The following GRM4 variants were observed in gnomAD, a reference collection of about 807,000 sequenced individuals.
GRM4 encodes metabotropic glutamate receptor 4.
In GRM4, 28 loss-of-function variants were observed where a neutral mutation model predicts 81.7. The observed-to-expected ratio is 0.34, with a 90% CI of 0.25 to 0.47. The LOEUF is 0.47. Ranked by LOEUF, GRM4 falls within the 20% of genes least tolerant of loss-of-function variation. GRM4 has a pLI of 1.00. For missense variants in GRM4, 948 were observed against 1,290.0 expected, an observed-to-expected ratio of 0.73 and a Z score of 4.06; for synonymous variants, 488 against 528.8, an observed-to-expected ratio of 0.92 and a Z score of 1.06.
chr6:34,030,007 G>A (rs181652980), intron 9 of GRM4, among the ~76,000 whole-genome samples: 152 of 152,224 alleles, frequency 1.0e-3, no homozygotes, highest in African/African-American at 3.6e-3. Context: ...TCCATCCTCA[G>A]ATACTACTTA....
intron 2 of GRM4, chr6:34,110,964 G>A: frequency 1.3e-6 from 1 of 746,020 alleles, no homozygotes; most frequent in Non-Finnish European, 1.8e-6. Flanking sequence ...GTGCCCCACA[G>A]ACTGCAAGGA....
At chr6:34,049,968 C>T (rs369089234) in intron 6 of GRM4, among the ~76,000 whole-genome samples, 1 of 152,128 alleles carries the variant, frequency 6.6e-6, no homozygotes, top group Admixed American at 6.5e-5. Context: ...AATCAGGTAA[C>T]GTCAATCCTC....
chr6:34,056,694 A>G lies in GRM4; in HGVS notation c.1028-10T>C. 1.2e-6 allele frequency: 2 copies of G among 1,611,628 alleles called. No individual in the cohort carries two copies. Among genetic ancestry groups the G allele is most frequent in the Non-Finnish European group, 1.7e-6 (2 of 1,178,860 alleles). Reference sequence around the variant, plus strand: ...AAGTAGCGGTCGAAGCCTGGCAGGGAACCAGGACGTCAGGGCCTCACTGGC... The same window carrying G: ...AAGTAGCGGTCGAAGCCTGGCAGGGGACCAGGACGTCAGGGCCTCACTGGC... On this transcript the variant is annotated splice_polypyrimidine_tract_variant and intron_variant, in intron 5 of 10. Transcript: ENST00000538487.
intron 2 of GRM4, among the ~76,000 whole-genome samples, chr6:34,098,119 C>T (rs1414897252): frequency 1.3e-5 from 2 of 152,328 alleles, no homozygotes; most frequent in South Asian, 2.1e-4. Context: ...AAGTCGTCAC[C>T]ATCACAACAG....
chr6:34,028,508 AC>A, intron 9 of GRM4, 142 bp from the exon 10 acceptor site: 1 of 825,910 alleles, frequency 1.2e-6, no homozygotes, highest in Non-Finnish European at 1.9e-6. Context: ...GGGACTGCAG[AC>A]CAGGGTTTCT....
At chr6:34,155,598 G>C in exon 1 of GRM4, 1 of 465,468 alleles carries the variant, frequency 2.1e-6, no homozygotes. Context: ...GGGCTCAAGC[G>C]ATCCTCCAGC....
chr6:34,103,460 C>G (rs1411534673), intron 2 of GRM4: 1 of 749,762 alleles, frequency 1.3e-6, no homozygotes, highest in Non-Finnish European at 2.3e-6. Flanking sequence ...GAGGCAGGGC[C>G]GCAGATAAGA....
chr6:34,091,900 T>C lies in GRM4; in HGVS notation c.719A>G (p.Gln240Arg). The C allele has an allele frequency of 6.2e-7, 1 of 1,613,332 alleles. No homozygotes were observed. Among genetic ancestry groups the C allele is most frequent in the Non-Finnish European group, 8.5e-7 (1 of 1,179,440 alleles). ...YGESGVEAFI[Q>R]KSREDGGVCI... ...TGACTCACCGTCCTCACGGGACTTC[T>C]GGATGAAGGCCTCCACACCGCTCTC... The change falls in exon 3 of 11, where the codon CAG becomes CGG. Residue 240 changes from glutamine (Q) to arginine (R), a missense_variant. By Grantham distance (43) the Gln-to-Arg change is conservative. Transcript: ENST00000538487.
chr6:34,124,382 T>C (rs1468629480), intron 2 of GRM4, among the ~76,000 whole-genome samples: 1 of 152,058 alleles, frequency 6.6e-6, no homozygotes, highest in African/African-American at 2.4e-5. Context: ...TGACATTCCC[T>C]CCCATGCGGC....
At position 34,092,801 on chromosome 6, in the gene GRM4, T is replaced by G. The variant is rs1768309087; in HGVS notation, c.520-702A>C. Among the ~76,000 whole-genome samples the G allele has an allele frequency of 6.6e-6, 1 of 151,780 alleles. No individual in the cohort carries two copies. The highest frequency in any genetic ancestry group is 6.6e-5 in the Admixed American group (1 of 15,264). ...CTGCCCCAGCCCCGGGGCTTTCCAGTCACGGGGCATCTTCCCGCCTCCACA... is the reference window on the plus strand; with the variant it reads ...CTGCCCCAGCCCCGGGGCTTTCCAGGCACGGGGCATCTTCCCGCCTCCACA... On this transcript the variant is annotated intron_variant, in intron 2 of 10. Coordinates refer to ENST00000538487, the MANE Select transcript of GRM4 (RefSeq NM_000841.4). The surrounding 1 kb of genome is among the most constrained non-coding windows in gnomAD (Gnocchi z 6.8).
intron 1 of GRM4, among the ~76,000 whole-genome samples, chr6:34,145,291 C>A (rs953216880): frequency 1.3e-5 from 2 of 151,956 alleles, no homozygotes; most frequent in Admixed American, 6.5e-5. Context: ...GGCGGCCGCC[C>A]GGCCGGAGCC....
At chr6:34,151,703 C>T (rs369481219) in intron 1 of GRM4, among the ~76,000 whole-genome samples, 48 of 135,908 alleles carry the variant, frequency 3.5e-4, no homozygotes, top group East Asian at 3.5e-3. Context: ...GCTGCCCACC[C>T]CGCCCCCACC....
At chr6:34,093,825 T>C (rs1210941975) in intron 2 of GRM4, among the ~76,000 whole-genome samples, 1 of 152,216 alleles carries the variant, frequency 6.6e-6, no homozygotes, top group Admixed American at 6.5e-5. Flanking sequence ...CACTGAGACC[T>C]TCACGGGTGA....
At chr6:34,101,281 A>G (rs1172332743) in intron 2 of GRM4, among the ~76,000 whole-genome samples, 2 of 152,152 alleles carry the variant, frequency 1.3e-5, no homozygotes, top group Non-Finnish European at 2.9e-5. Context: ...CAATCTTACC[A>G]TAGTCCTATG....
chr6:34,103,874 G>A, intron 2 of GRM4: 1 of 1,403,116 alleles, frequency 7.1e-7, no homozygotes, highest in African/African-American at 1.5e-5. Context: ...GAGGGAGAAT[G>A]AGTGTTACAG....
chr6:34,146,149 C>A, upstream of GRM4: 2 of 985,502 alleles, frequency 2.0e-6, no homozygotes, highest in Non-Finnish European at 2.4e-6. Flanking sequence ...GAACCTCACA[C>A]ATCCGCGCGC....
chr6:34,086,105 G>T (rs1227101574), intron 3 of GRM4, among the ~76,000 whole-genome samples: 1 of 152,232 alleles, frequency 6.6e-6, no homozygotes, highest in African/African-American at 2.4e-5. Context: ...AATGTGAGTG[G>T]GGCCAGCCCC....
At chr6:34,046,356 A>G (rs1490904981) in intron 6 of GRM4, among the ~76,000 whole-genome samples, 1 of 152,174 alleles carries the variant, frequency 6.6e-6, no homozygotes. Context: ...ACACGACACT[A>G]ATACAAACAC....
intron 6 of GRM4, among the ~76,000 whole-genome samples, chr6:34,049,878 C>T (rs1275948721): frequency 1.3e-5 from 2 of 152,150 alleles, no homozygotes; most frequent in African/African-American, 2.4e-5. Flanking sequence ...CAGCACCAGC[C>T]TCCTAACTGG....
Sources: gnomAD v4.1 joint callset for allele counts (sites outside exome capture counted in the v4.1 genomes callset) on GRCh38, gnomAD v4.1.1 for gene constraint, Gnocchi (gnomAD v3.1) non-coding constraint, MANE v1.5 for transcripts, NCBI Gene and HGNC (gene_info 2026-07-23, HGNC 2026-07-21) for gene names.